Variants in CNTN5 observed in about 807,000 individuals in gnomAD.
CNTN5 encodes contactin-5.
Under a neutral mutation model 129.1 loss-of-function variants are expected in CNTN5, and 77 were observed. The observed-to-expected ratio is 0.60, with a 90% CI of 0.50 to 0.72. The LOEUF is 0.72. CNTN5 is among the 30% of genes least tolerant of loss of function. The probability of loss-of-function intolerance (pLI) is 0.00; values close to 1 mark genes in which losing one functional copy is unlikely to be tolerated. For missense variants in CNTN5, 1,478 were observed against 1,328.8 expected (o/e 1.11, Z -1.75); for synonymous variants, 509 against 465.6 (o/e 1.09, Z -1.20).
chr11:99,621,914 A>G (rs759192592), intron 3 of CNTN5, among the ~76,000 whole-genome samples: 44 of 152,120 alleles, frequency 2.9e-4, no homozygotes, highest in Admixed American at 8.5e-4. Context: ...GTTGACCACA[A>G]TTTTTTTGTT....
chr11:99,276,448 G>A (rs1243743642), intron 1 of CNTN5, among the ~76,000 whole-genome samples: 1 of 151,470 alleles, frequency 6.6e-6, no homozygotes, highest in Non-Finnish European at 1.5e-5. Context: ...TATCTTTCCT[G>A]TAATTTTTTA....
At chr11:100,059,921 GAA>G (rs908136520) in intron 9 of CNTN5, among the ~76,000 whole-genome samples, 13 of 152,036 alleles carry the variant, frequency 8.6e-5, no homozygotes, top group African/African-American at 2.9e-4. Flanking sequence ...ATTAAAAAAA[GAA>G]AAATGCCGGG....
chr11:100,104,284 A>G (rs1190329817), intron 13 of CNTN5, among the ~76,000 whole-genome samples: 1 of 151,924 alleles, frequency 6.6e-6, no homozygotes, highest in Non-Finnish European at 1.5e-5. Context: ...TAGTAGAGAC[A>G]GGGTTTTGCC....
chr11:100,233,969 C>T (rs1452092532), intron 16 of CNTN5, among the ~76,000 whole-genome samples: 2 of 151,792 alleles, frequency 1.3e-5, no homozygotes, highest in African/African-American at 2.4e-5. Context: ...AAAAAACAAC[C>T]CCATCAAAAA....
Position 99,115,001 on chromosome 11 carries a change from C to A in CNTN5, c.-210+93731C>A, listed in dbSNP as rs144628585. Among the ~76,000 whole-genome samples, 338 of 152,224 alleles carry A rather than the reference C, an allele frequency of 2.2e-3. 1 individual carries two copies. The highest frequency in any genetic ancestry group is 0.01 in the Middle Eastern group (3 of 294). ...CTTATAGAAGAGGCTCAAGAGAGCT[C>A]CCTTCCCCCTTCTTCCATGTGAGGT... On this transcript the variant is annotated intron_variant, in intron 1 of 24. Transcript: ENST00000524871.
intron 1 of CNTN5, among the ~76,000 whole-genome samples, chr11:99,153,571 C>T (rs556743633): frequency 1.5e-4 from 22 of 148,492 alleles, no homozygotes; most frequent in Admixed American, 4.7e-4. Flanking sequence ...TCCTTGGATT[C>T]GGTTTCTACT....
chr11:99,514,575 T>C (rs1003858899), intron 2 of CNTN5, among the ~76,000 whole-genome samples: 1 of 152,030 alleles, frequency 6.6e-6, no homozygotes, highest in Non-Finnish European at 1.5e-5. Flanking sequence ...CAGAACCCAA[T>C]AACATTAAGG....
chr11:99,816,934 C>A (rs971860753), intron 3 of CNTN5, among the ~76,000 whole-genome samples: 7 of 152,144 alleles, frequency 4.6e-5, no homozygotes, highest in Non-Finnish European at 8.8e-5. Context: ...CTACTGAAGA[C>A]TTGACTGAGC....
At chr11:99,880,890 T>A (rs768945003) in intron 6 of CNTN5, among the ~76,000 whole-genome samples, 1 of 152,216 alleles carries the variant, frequency 6.6e-6, no homozygotes, top group African/African-American at 2.4e-5. Context: ...GGAAATGTTA[T>A]GACTTTTTTA....
chr11:99,909,313 A>G (rs879351160), intron 6 of CNTN5, among the ~76,000 whole-genome samples: 37 of 152,264 alleles, frequency 2.4e-4, no homozygotes, highest in Middle Eastern at 3.4e-3. Flanking sequence ...AGGAAACAAC[A>G]GGTGCTGGAG....
intron 1 of CNTN5, among the ~76,000 whole-genome samples, chr11:99,237,136 A>G (rs1000659848): frequency 1.3e-5 from 2 of 151,934 alleles, no homozygotes; most frequent in East Asian, 1.9e-4. Flanking sequence ...GTTATTTTCA[A>G]CAGGCAATAT....
intron 9 of CNTN5, among the ~76,000 whole-genome samples, chr11:100,049,111 C>G (rs576209186): frequency 1.2e-3 from 189 of 151,912 alleles, no homozygotes; most frequent in African/African-American, 4.4e-3. Context: ...TTTTAAAACT[C>G]CACAAAAAAA....
At chr11:100,054,706 G>A (rs1943126085) in intron 9 of CNTN5, among the ~76,000 whole-genome samples, 1 of 151,640 alleles carries the variant, frequency 6.6e-6, no homozygotes, top group African/African-American at 2.4e-5. Context: ...TCATTTTTAT[G>A]TATTAAGTTC....
chr11:100,277,185 T>C (rs1383861553), intron 18 of CNTN5, among the ~76,000 whole-genome samples: 1 of 152,216 alleles, frequency 6.6e-6, no homozygotes, highest in South Asian at 2.1e-4. Context: ...TAATACTACG[T>C]TGTGTACAAG....
chr11:100,297,406 T>C (rs1038831152), intron 18 of CNTN5, among the ~76,000 whole-genome samples: 2 of 151,504 alleles, frequency 1.3e-5, no homozygotes, highest in Non-Finnish European at 3.0e-5. Flanking sequence ...CCACAGAGCA[T>C]TTTCAAGAGG....
At chr11:99,255,815 C>T (rs564087082) in intron 1 of CNTN5, among the ~76,000 whole-genome samples, 1 of 151,138 alleles carries the variant, frequency 6.6e-6, no homozygotes, top group Non-Finnish European at 1.5e-5. Flanking sequence ...CACACACACA[C>T]GCACACGCAC....
intron 15 of CNTN5, among the ~76,000 whole-genome samples, chr11:100,214,578 A>G (rs1949101602): frequency 6.6e-6 from 1 of 152,120 alleles, no homozygotes; most frequent in African/African-American, 2.4e-5. Flanking sequence ...GTGGAAGGTC[A>G]CCTTTTCTTC....
intron 4 of CNTN5, 175 bp from the exon 5 acceptor site, chr11:99,844,677 C>T: frequency 3.3e-6 from 2 of 610,778 alleles, no homozygotes; most frequent in Non-Finnish European, 5.6e-6. Context: ...ATATTTGGTT[C>T]TTTACAATTT....
At chr11:99,623,301 C>T (rs943337695) in intron 3 of CNTN5, among the ~76,000 whole-genome samples, 1 of 152,044 alleles carries the variant, frequency 6.6e-6, no homozygotes, top group Admixed American at 6.6e-5. Context: ...CAAGGAGTAG[C>T]AATAACTTAA....
Sources: allele counts gnomAD v4.1 joint callset (sites outside exome capture counted in the v4.1 genomes callset), GRCh38; gene constraint gnomAD v4.1.1; transcripts MANE v1.5; gene names NCBI Gene and HGNC (gene_info 2026-07-23, HGNC 2026-07-21).